EIF4G1: variants seen among roughly 807,000 people sequenced by gnomAD.
EIF4G1 encodes EIF4-gamma.
Under a neutral mutation model 187.8 loss-of-function variants are expected in EIF4G1, and 4 were observed. That is an observed-to-expected ratio of 0.02 (90% CI 0.01 to 0.05). The LOEUF (loss-of-function observed/expected upper bound fraction) is 0.05, where lower values mean the gene tolerates loss of function less well. Ranked by LOEUF, EIF4G1 falls within the 10% of genes least tolerant of loss-of-function variation. The pLI is 1.00. For synonymous variants in EIF4G1, 844 were observed against 781.4 expected (o/e 1.08, Z -1.34); for missense variants, 1,647 against 2,081.1 (o/e 0.79, Z 4.06).
chr3:184,323,244 G>A lies in EIF4G1; in HGVS notation c.2088+3G>A, dbSNP rs781067655. On this transcript the variant is annotated splice_donor_region_variant and intron_variant, in intron 14 of 32. Transcript: ENST00000346169. This position sits in a 1 kb window ranked among gnomAD's most constrained non-coding sequence, Gnocchi z 6.9. ...GTGGGGAGCTGCCCCGTGGGCCGGT[G>A]AGTGGGGCTGGGTAAAGTGGCAGGT... 2.5e-6 allele frequency: 4 copies of A among 1,614,154 alleles called. No homozygotes were observed. The highest frequency in any genetic ancestry group is 2.2e-5 in the South Asian group (2 of 91,072).
At chr3:184,326,077 C>T (rs1724835877) in intron 21 of EIF4G1, 126 bp downstream of exon 21, 3 of 992,074 alleles carry the variant, frequency 3.0e-6, no homozygotes, top group Non-Finnish European at 3.1e-6. Context: ...TTGCTGGAGA[C>T]AGGACTGCCA....
In EIF4G1 at chr3:184,326,678, T is replaced by G. The variant is rs529941120; in HGVS notation, c.3325+49T>G. On this transcript the variant is annotated intron_variant, in intron 22 of 32. Transcript: ENST00000346169. Reference sequence around the variant, plus strand: ...GGGTGGTTACCCGTCAGAGCTCCCTTGAGGACAGAGCCTTTTCTGTTAGGG... The same window carrying G: ...GGGTGGTTACCCGTCAGAGCTCCCTGGAGGACAGAGCCTTTTCTGTTAGGG... 2.5e-6 allele frequency: 4 copies of G among 1,595,276 alleles called. No homozygotes were observed. In the Admixed American group the frequency reaches 6.7e-5, roughly 27 times the overall value.
intron 5 of EIF4G1, 67 bp downstream of exon 5, chr3:184,317,564 C>G: frequency 6.3e-7 from 1 of 1,593,240 alleles, no homozygotes. Context: ...TCACCCTGAC[C>G]CTCCAGTTCC....
Position 184,328,771 on chromosome 3 carries a change from G to A in EIF4G1, c.4079+15G>A. 1.2e-6 allele frequency: 2 copies of A among 1,614,172 alleles called. No individual in the cohort carries two copies. Among genetic ancestry groups the A allele is most frequent in the Non-Finnish European group, 1.7e-6 (2 of 1,180,010 alleles). On this transcript the variant is annotated intron_variant, in intron 27 of 32. Transcript: ENST00000346169. ...GAGCTGTTCAGGTAAGTCCCCCTGG[G>A]TGGAATTCAGGGGAGGTAAAGACCA...
chr3:184,327,197 T>C lies in EIF4G1; in HGVS notation c.3429-19T>C, dbSNP rs994145911. On this transcript the variant is annotated intron_variant, in intron 23 of 32. Transcript: ENST00000346169. ...CTGGGCAGTGCAAGTGAGTGAAAAT[T>C]TGTCTGTCTGTCTTCCAGGAGTAGC... 11 of 1,612,198 alleles carry C rather than the reference T, an allele frequency of 6.8e-6. No individual in the cohort carries two copies. The highest frequency in any genetic ancestry group is 1.7e-5 in the Admixed American group (1 of 60,012).
In EIF4G1 at chr3:184,317,393, C is replaced by T. The variant is rs201980563; in HGVS notation, c.220C>T (p.Pro74Ser). Reference sequence around the variant, plus strand: ...AGTGCAGAGTGCAGCCCCTGCCCGCCCTGGCCCAGCTGCCCATGTCTACCC... The same window carrying T: ...AGTGCAGAGTGCAGCCCCTGCCCGCTCTGGCCCAGCTGCCCATGTCTACCC... ...SRVQSAAPAR[P>S]GPAAHVYPAG... is the part of the protein sequence containing the mutation. Residue 74 changes from proline (P) to serine (S), a missense_variant, in exon 5 of 33, where the codon CCT becomes TCT. By Grantham distance (74) the Pro-to-Ser change is moderately conservative. Coordinates refer to ENST00000346169, the MANE Select transcript of EIF4G1 (RefSeq NM_198241.3). 6.2e-7 allele frequency: 1 copy of T among 1,614,140 alleles called. No homozygotes were observed. Among genetic ancestry groups the T allele is most frequent in the Non-Finnish European group, 8.5e-7 (1 of 1,180,028 alleles).
intron 22 of EIF4G1, 122 bp from the exon 23 acceptor site, chr3:184,326,759 T>C: frequency 4.0e-6 from 6 of 1,493,404 alleles, no homozygotes; most frequent in Non-Finnish European, 5.6e-6. Context: ...GTTTGTGTTG[T>C]GGTTCCAGGG....
intron 2 of EIF4G1, 41 bp downstream of exon 2, chr3:184,315,586 G>T: frequency 2.6e-6 from 2 of 768,494 alleles, no homozygotes; most frequent in Non-Finnish European, 2.4e-6. Context: ...GGGTTGGTTG[G>T]AAGTGATGCG....
chr3:184,318,241 A>G (rs1723127875), intron 6 of EIF4G1, among the ~76,000 whole-genome samples: 1 of 152,230 alleles, frequency 6.6e-6, no homozygotes, highest in African/African-American at 2.4e-5. Flanking sequence ...AGTTTTGAGT[A>G]TGAATCTCTC....
chr3:184,326,170 G>A (rs893478578), intron 21 of EIF4G1, among the ~76,000 whole-genome samples: 7 of 147,500 alleles, frequency 4.7e-5, no homozygotes, highest in Non-Finnish European at 7.5e-5. Context: ...ACACACACAC[G>A]TGCCAGATCC....
chr3:184,326,964 A>G lies in EIF4G1; in HGVS notation c.3409A>G (p.Asn1137Asp). The change falls in exon 23 of 33, where the codon AAT becomes GAT. Residue 1137 changes from asparagine (N) to aspartate (D), a missense_variant. Coordinates refer to ENST00000346169, the MANE Select transcript of EIF4G1 (RefSeq NM_198241.3). ...QQAVPTESTD[N>D]RRVVQRSSLS... ...AGCGGTACCCACAGAAAGCACAGAT[A>G]ATAGACGTGTGGTGCAGAGGTGAGG... 6.2e-7 allele frequency: 1 copy of G among 1,614,184 alleles called. No individual in the cohort carries two copies. The highest frequency in any genetic ancestry group is 8.5e-7 in the Non-Finnish European group (1 of 1,180,032).
intron 4 of EIF4G1, among the ~76,000 whole-genome samples, chr3:184,316,546 T>C (rs1399141848): frequency 2.0e-5 from 3 of 151,918 alleles, no homozygotes; most frequent in African/African-American, 7.3e-5. Flanking sequence ...GCTTTCTCTT[T>C]GGACTGTGGT....
rs1482621802 is a variant in EIF4G1 at position 184,319,256 on chromosome 3, CTT to C, written c.425-431_425-430del. Reference sequence around the variant, plus strand: ...TAAATGGAACAGGGTTGGCAGATCTCTTTCTCTCATTACCAGCCAAAGACCTG... The same window carrying C: ...TAAATGGAACAGGGTTGGCAGATCTCTCTCTCATTACCAGCCAAAGACCTG... On this transcript the variant is annotated intron_variant, in intron 6 of 32. Coordinates refer to ENST00000346169, the MANE Select transcript of EIF4G1 (RefSeq NM_198241.3). 4 of 199,558 alleles carry C rather than the reference CTT, an allele frequency of 2.0e-5. No homozygotes were observed. In the East Asian group the frequency reaches 3.9e-4, roughly 19 times the overall value. The allele number at this position is 199,558 out of a possible 1,614,324, so 12.4% of individuals were successfully genotyped here. A position where few individuals can be genotyped will look rare whatever the true frequency, so the allele number is the denominator to read the frequency against.
At chr3:184,320,287 A>ACTAG in intron 7 of EIF4G1, 1 of 1,254,070 alleles carries the variant, frequency 8.0e-7, no homozygotes, top group Non-Finnish European at 1.0e-6. Flanking sequence ...GATCAGGCAC[A>ACTAG]CTAGCCACAA....
intron 32 of EIF4G1, among the ~76,000 whole-genome samples, chr3:184,332,443 T>C (rs901406452): frequency 6.6e-6 from 1 of 152,196 alleles, no homozygotes; most frequent in African/African-American, 2.4e-5. Context: ...AAATGTTGTT[T>C]AGGGTGGATG....
intron 17 of EIF4G1, 62 bp downstream of exon 17, chr3:184,324,409 A>G: frequency 6.2e-7 from 1 of 1,610,770 alleles, no homozygotes. Context: ...CCCAGATGCT[A>G]CTCAGCTGTA....
intron 6 of EIF4G1, among the ~76,000 whole-genome samples, chr3:184,318,156 A>G (rs925950926): frequency 2.6e-5 from 4 of 152,032 alleles, no homozygotes; most frequent in African/African-American, 9.7e-5. Flanking sequence ...GCTATTTTTT[A>G]TTTATGTTCT....
chr3:184,325,757 T>C lies in EIF4G1; in HGVS notation c.3122-94T>C. 1 of 1,610,420 alleles carries C rather than the reference T, an allele frequency of 6.2e-7. No homozygotes were observed. The highest frequency in any genetic ancestry group is 8.5e-7 in the Non-Finnish European group (1 of 1,176,722). ...GGCCACTGAGACACCATGATGGAAC[T>C]GAGGATCTGAGGAAGGGAGGCTGGG... On this transcript the variant is annotated intron_variant, in intron 20 of 32. Coordinates refer to ENST00000346169, the MANE Select transcript of EIF4G1 (RefSeq NM_198241.3). This position sits in a 1 kb window ranked among gnomAD's most constrained non-coding sequence, Gnocchi z 5.2.
In EIF4G1 at chr3:184,322,039, C is replaced by A. The variant is rs762515247; in HGVS notation, c.1455C>A (p.Pro485=). The change falls in exon 10 of 33, where the codon CCC becomes CCA. Residue 485 remains proline (P), a synonymous_variant. Transcript: ENST00000346169. ...AGAAAGGAGGAGAGGAACTGCTCCC[C>A]CCAGAGAGTACCCCTATTCCAGCCA... ...ESEKGGEELL[P]PESTPIPANL... 1.9e-6 allele frequency: 3 copies of A among 1,613,980 alleles called. No individual in the cohort carries two copies. The highest frequency in any genetic ancestry group is 1.7e-5 in the Admixed American group (1 of 59,908).
Sources: gnomAD v4.1 joint callset for allele counts (sites outside exome capture counted in the v4.1 genomes callset) on GRCh38, gnomAD v4.1.1 for gene constraint, Gnocchi (gnomAD v3.1) non-coding constraint, MANE v1.5 for transcripts, NCBI Gene and HGNC (gene_info 2026-07-23, HGNC 2026-07-21) for gene names.